Variants in LYRM4 observed in about 807,000 individuals in gnomAD.
LYRM4 encodes the protein LYR motif containing 4.
Under a neutral mutation model 11.7 loss-of-function variants are expected in LYRM4, and 9 were observed. The ratio of observed to expected loss-of-function variants is 0.77; its 90% CI spans 0.46 to 1.34. The LOEUF is 1.34. Among genes scored for constraint, LYRM4 ranks in the 40% most tolerant of loss-of-function variants. The pLI is 0.00. For synonymous variants in LYRM4, 42 were observed against 40.4 expected, an observed-to-expected ratio of 1.04 and a Z score of -0.15; for missense variants, 133 against 112.5, an observed-to-expected ratio of 1.18 and a Z score of -0.82.
Position 5,165,795 on chromosome 6 carries a change from G to A in LYRM4, c.207+50823C>T, listed in dbSNP as rs112934949. ...TGACCTCAGGTGATCTACCTGCCTC[G>A]GCCTCCCAAAGTGCTGGAATTACAG... On this transcript the variant is annotated intron_variant, in intron 2 of 2. Transcript: ENST00000330636. Among the ~76,000 whole-genome samples, 292 of 152,064 alleles carry A rather than the reference G, an allele frequency of 1.9e-3. 6 individuals are homozygous for A. The highest frequency in any genetic ancestry group is 6.5e-3 in the African/African-American group (268 of 41,502).
rs947565073 is a variant in LYRM4, at chr6:5,223,650, T to C, written c.87-6912A>G. On this transcript the variant is annotated intron_variant, in intron 1 of 2. Coordinates refer to ENST00000330636, the MANE Select transcript of LYRM4 (RefSeq NM_020408.6). ...CTGCTTCAAGTGTTCCTATAAATAG[T>C]TCAGCGCCAAACATGTCTTAAGAAA... Among the ~76,000 whole-genome samples, 3 of 152,234 alleles carry C rather than the reference T, an allele frequency of 2.0e-5. No homozygotes were observed. In the South Asian group the frequency reaches 6.2e-4, roughly 31 times the overall value.
chr6:5,192,534 G>A (rs1760817126), intron 2 of LYRM4, among the ~76,000 whole-genome samples: 1 of 152,094 alleles, frequency 6.6e-6, no homozygotes. Context: ...CCATAGCATT[G>A]GGACAGTTAG....
At chr6:5,239,613 G>A (rs1486055450) in intron 1 of LYRM4, among the ~76,000 whole-genome samples, 1 of 152,092 alleles carries the variant, frequency 6.6e-6, no homozygotes, top group Non-Finnish European at 1.5e-5. Context: ...AAAGAAGCTG[G>A]AGACTGGTTA....
At chr6:5,142,370 C>A (rs563344715) in intron 2 of LYRM4, among the ~76,000 whole-genome samples, 42 of 152,180 alleles carry the variant, frequency 2.8e-4, no homozygotes, top group Non-Finnish European at 5.7e-4. Flanking sequence ...GCATCAACCT[C>A]CAGACAGCTA....
At chr6:5,071,600 G>A in the LYRM4 span, among the ~76,000 whole-genome samples, 1 of 151,298 alleles carries the variant, frequency 6.6e-6, no homozygotes, top group Non-Finnish European at 1.5e-5. Context: ...GTATGTGTGT[G>A]TATGTATGTG....
intron 2 of LYRM4, among the ~76,000 whole-genome samples, chr6:5,183,651 C>T (rs1004932599): frequency 7.2e-5 from 11 of 152,164 alleles, no homozygotes; most frequent in African/African-American, 2.7e-4. Flanking sequence ...CCTCTTCTCC[C>T]CCTTTAGACC....
chr6:5,073,333 G>A, the LYRM4 span, among the ~76,000 whole-genome samples: 2 of 152,038 alleles, frequency 1.3e-5, no homozygotes, highest in African/African-American at 4.8e-5. Context: ...TAGTGCTACT[G>A]TGCCCCAGCC....
chr6:5,039,620 A>G, the LYRM4 span, among the ~76,000 whole-genome samples: 62 of 152,362 alleles, frequency 4.1e-4, no homozygotes, highest in African/African-American at 1.4e-3. Flanking sequence ...TAATCCTGCT[A>G]TCATCTGTGA....
intron 2 of LYRM4, among the ~76,000 whole-genome samples, chr6:5,189,922 A>G (rs370403087): frequency 9.2e-5 from 14 of 152,324 alleles, no homozygotes; most frequent in African/African-American, 3.1e-4. Flanking sequence ...TGGTCTAGAA[A>G]AGTAGGCTGA....
intron 2 of LYRM4, among the ~76,000 whole-genome samples, chr6:5,152,104 G>C (rs998188296): frequency 1.3e-5 from 2 of 152,128 alleles, no homozygotes; most frequent in Admixed American, 1.3e-4. Flanking sequence ...TGTATCACTG[G>C]AACCACTAAG....
At chr6:5,095,482 C>T in the LYRM4 span, among the ~76,000 whole-genome samples, 5 of 152,128 alleles carry the variant, frequency 3.3e-5, no homozygotes, top group Non-Finnish European at 7.3e-5. Context: ...CAGCTTATTG[C>T]CTTATTTAAA....
At chr6:5,102,191 C>G (rs549881581), downstream of LYRM4, among the ~76,000 whole-genome samples, 1 of 151,904 alleles carries the variant, frequency 6.6e-6, no homozygotes, top group East Asian at 1.9e-4. Context: ...TACAGAACCA[C>G]AAGGAAGTGT....
At chr6:5,245,012 T>C (rs73718006) in intron 1 of LYRM4, among the ~76,000 whole-genome samples, 2,907 of 146,956 alleles carry the variant, frequency 0.02, 94 homozygotes, top group African/African-American at 0.068. Context: ...CATTAGCTCT[T>C]TGTTTGCCTA....
downstream of LYRM4, chr6:5,103,502 A>G (rs1232235173): frequency 2.0e-5 from 3 of 152,254 alleles, no homozygotes; most frequent in Admixed American, 6.5e-5. Flanking sequence ...CTACTTATCA[A>G]GGGACTTCTC....
At chr6:5,243,840 C>T (rs1178865763) in intron 1 of LYRM4, among the ~76,000 whole-genome samples, 1 of 152,170 alleles carries the variant, frequency 6.6e-6, no homozygotes, top group Non-Finnish European at 1.5e-5. Flanking sequence ...CTTAATAAAA[C>T]AAAGTATCTA....
chr6:5,048,290 G>GGTT, the LYRM4 span, among the ~76,000 whole-genome samples: 2 of 140,058 alleles, frequency 1.4e-5, no homozygotes, highest in Admixed American at 1.4e-4. Context: ...GACACTTTGT[G>GGTT]GTGTGTGTGT....
chr6:5,122,086 C>T (rs1763482552), intron 2 of LYRM4, among the ~76,000 whole-genome samples: 1 of 152,172 alleles, frequency 6.6e-6, no homozygotes, highest in African/African-American at 2.4e-5. Context: ...TATAACTGAG[C>T]AGGCAAGCTC....
chr6:5,191,021 C>A (rs1352780734), intron 2 of LYRM4, among the ~76,000 whole-genome samples: 1 of 151,824 alleles, frequency 6.6e-6, no homozygotes, highest in Non-Finnish European at 1.5e-5. Context: ...ATTATTTGAT[C>A]TAGTTATTTT....
chr6:5,046,291 T>C, the LYRM4 span, among the ~76,000 whole-genome samples: 17 of 151,924 alleles, frequency 1.1e-4, no homozygotes, highest in South Asian at 2.1e-4. Flanking sequence ...GGACTACAGG[T>C]GCCCGCCACC....
Sources: allele counts gnomAD v4.1 joint callset (sites outside exome capture counted in the v4.1 genomes callset), GRCh38; gene constraint gnomAD v4.1.1; transcripts MANE v1.5; gene names NCBI Gene and HGNC (gene_info 2026-07-23, HGNC 2026-07-21).